The following KLHL22 variants were observed in gnomAD, a reference collection of about 807,000 sequenced individuals.
The protein encoded by KLHL22 is kelch like family member 22.
KLHL22 carries 18 observed loss-of-function variants against 60.7 expected under a neutral mutation model. The ratio of observed to expected loss-of-function variants is 0.30; its 90% CI spans 0.20 to 0.44. The LOEUF is 0.44. Among genes scored for constraint, KLHL22 ranks in the 20% least tolerant of loss-of-function variants. The probability of loss-of-function intolerance (pLI) is 1.00; values close to 1 mark genes in which losing one functional copy is unlikely to be tolerated. For missense variants in KLHL22, 596 were observed against 852.3 expected, an observed-to-expected ratio of 0.70 and a Z score of 3.74; for synonymous variants, 355 against 354.5, an observed-to-expected ratio of 1.00 and a Z score of -0.01.
rs745625786 is a variant in KLHL22 at position 20,457,852 on chromosome 22, G to A, written c.1261C>T (p.Pro421Ser). The change falls in exon 5 of 7, where the codon CCT becomes TCT. Residue 421 changes from proline to serine, a missense_variant. By Grantham distance (74) the Pro-to-Ser change is moderately conservative. Coordinates refer to ENST00000328879, the MANE Select transcript of KLHL22 (RefSeq NM_032775.4). ...ACGTATGCCCAGGAGTTGGTGGCAG[G>A]GTCGTAGCGCTCCACAGCATTCAGG... ...NDLNAVERYDPATNSWAYVAP... is the reference protein window; with the variant it reads ...NDLNAVERYDSATNSWAYVAP... The A allele has an allele frequency of 6.2e-7, 1 of 1,609,576 alleles. No homozygotes were observed. The highest frequency in any genetic ancestry group is 1.7e-5 in the Admixed American group (1 of 59,300).
At chr22:20,490,709 G>T (rs569817323) in intron 1 of KLHL22, among the ~76,000 whole-genome samples, 2 of 152,114 alleles carry the variant, frequency 1.3e-5, no homozygotes, top group African/African-American at 4.8e-5. Context: ...ATTCTCTTTC[G>T]GAGCACACAA....
intron 5 of KLHL22, among the ~76,000 whole-genome samples, chr22:20,447,655 G>A (rs1402182750): frequency 6.7e-6 from 1 of 149,540 alleles, no homozygotes; most frequent in African/African-American, 2.5e-5. Context: ...TGATTCTCCT[G>A]CCTCAGCTTC....
chr22:20,481,876 T>C (rs941669116), intron 2 of KLHL22: 19 of 152,376 alleles, frequency 1.2e-4, no homozygotes, highest in African/African-American at 4.3e-4. Context: ...GGTGCTAGGG[T>C]TATAGGTGTG....
rs193293991 is a variant in KLHL22, at chr22:20,476,564, C to A, written c.228-5049G>T. Among the ~76,000 whole-genome samples the A allele has an allele frequency of 3.1e-4, 47 of 151,228 alleles. No homozygotes were observed. The East Asian group carries it at 8.5e-3, about 28-fold the overall frequency. On this transcript the variant is annotated intron_variant, in intron 2 of 6. Transcript: ENST00000328879. The stretch of plus-strand genomic sequence containing the variant: ...GAGTAGCTGGGACTACAGGTGCCCG[C>A]CACGTCGCCCGGCTAATTTTTTGTA...
chr22:20,460,610 C>CAAAAAAAAAAAAAAAAAAAAAA lies in KLHL22; in HGVS notation c.1113-2632_1113-2611dup, dbSNP rs60765839. Among the ~76,000 whole-genome samples, 4 of 9,446 alleles carry CAAAAAAAAAAAAAAAAAAAAAA rather than the reference C, an allele frequency of 4.2e-4. 2 individuals are homozygous for CAAAAAAAAAAAAAAAAAAAAAA. The highest frequency in any genetic ancestry group is 1.1e-3 in the African/African-American group (2 of 1,820). 6.2% of individuals were successfully genotyped at this position (9,446 alleles called of 152,430 possible). On this transcript the variant is annotated intron_variant, in intron 4 of 6. Coordinates refer to ENST00000328879, the MANE Select transcript of KLHL22 (RefSeq NM_032775.4). ...GGCGACAGAGTGAAACTCCATCCCC[C>CAAAAAAAAAAAAAAAAAAAAAA]AAAAAAAAAAAAAAAAAAAAAAAAA...
chr22:20,483,072 C>A, intron 2 of KLHL22: 1 of 661,054 alleles, frequency 1.5e-6, no homozygotes, highest in Non-Finnish European at 2.8e-6. Flanking sequence ...ACCTCTGACT[C>A]CAGGTGCAGC....
chr22:20,487,907 T>G (rs1023806276), intron 2 of KLHL22, among the ~76,000 whole-genome samples: 1 of 152,044 alleles, frequency 6.6e-6, no homozygotes, highest in African/African-American at 2.4e-5. Context: ...AGGTCCTAAG[T>G]CCCCTGCAGG....
chr22:20,469,271 A>G (rs1210882183), intron 3 of KLHL22, among the ~76,000 whole-genome samples: 1 of 152,180 alleles, frequency 6.6e-6, no homozygotes. Context: ...CTGTCCTCAC[A>G]TGGACGCAGG....
intron 4 of KLHL22, among the ~76,000 whole-genome samples, chr22:20,460,334 C>A (rs536530923): frequency 3.9e-5 from 6 of 152,072 alleles, no homozygotes; most frequent in Non-Finnish European, 8.8e-5. Context: ...CAGGGCCGGG[C>A]GTGGTGGCTC....
chr22:20,468,661 G>A lies in KLHL22; in HGVS notation c.393+2689C>T, dbSNP rs1033657535. On this transcript the variant is annotated intron_variant, in intron 3 of 6. Coordinates refer to ENST00000328879, the MANE Select transcript of KLHL22 (RefSeq NM_032775.4). Reference sequence around the variant, plus strand: ...TGCTATAAAACAATATTGTGAAGAAGCCTGTTTTTTTTTGTTTGTTTGTTT... The same window carrying A: ...TGCTATAAAACAATATTGTGAAGAAACCTGTTTTTTTTTGTTTGTTTGTTT... 4.6e-5 allele frequency among the ~76,000 whole-genome samples: 7 copies of A among 152,132 alleles called. No individual in the cohort carries two copies. In the East Asian group the frequency reaches 1.3e-3, roughly 29 times the overall value.
chr22:20,450,482 G>A lies in KLHL22; in HGVS notation c.1306-3806C>T, dbSNP rs1215513521. The A allele has an allele frequency of 9.3e-6, 15 of 1,613,706 alleles. No homozygotes were observed. In the African/African-American group the frequency reaches 1.6e-4, roughly 17 times the overall value. On this transcript the variant is annotated intron_variant, in intron 5 of 6. Transcript: ENST00000328879. ...CAGTTGAAAGGTGTGAAACAAGCCTGCTGTGAGTTCTTAGAAAGTCAGTTG... is the reference window on the plus strand; with the variant it reads ...CAGTTGAAAGGTGTGAAACAAGCCTACTGTGAGTTCTTAGAAAGTCAGTTG...
intron 5 of KLHL22, among the ~76,000 whole-genome samples, chr22:20,455,248 C>T (rs2053044830): frequency 1.3e-5 from 2 of 152,192 alleles, no homozygotes; most frequent in South Asian, 2.1e-4. Flanking sequence ...AGTTTACCTC[C>T]ACGCTACACT....
chr22:20,450,343 C>T (rs1386359801), intron 5 of KLHL22: 2 of 1,302,178 alleles, frequency 1.5e-6, no homozygotes, highest in Non-Finnish European at 2.2e-6. Context: ...CCTATGTTGA[C>T]ATCCAAGGTT....
chr22:20,457,669 T>A, intron 5 of KLHL22, 139 bp downstream of exon 5: 1 of 664,470 alleles, frequency 1.5e-6, no homozygotes, highest in Non-Finnish European at 2.6e-6. Context: ...ATGCAGGGTC[T>A]CTGGAGAAGC....
chr22:20,443,099 A>G (rs2052790964), intron 6 of KLHL22, among the ~76,000 whole-genome samples: 1 of 152,248 alleles, frequency 6.6e-6, no homozygotes, highest in African/African-American at 2.4e-5. Context: ...AAGGAAAATC[A>G]CAAAACCCAA....
In KLHL22 at chr22:20,441,781, C is replaced by A. The variant is rs925159224; in HGVS notation, c.*292G>T. ...CAGGTCCTTTTGGAGAAGGACTGAT[C>A]TAGGCAGGGAGGAGAGAAGGCCAAC... On this transcript the variant is annotated 3_prime_UTR_variant, in exon 7 of 7. Coordinates refer to ENST00000328879, the MANE Select transcript of KLHL22 (RefSeq NM_032775.4). The A allele has an allele frequency of 3.1e-6, 1 of 326,474 alleles. No individual in the cohort carries two copies. The highest frequency in any genetic ancestry group is 1.5e-4 in the South Asian group (1 of 6,468). The allele number at this position is 326,474 out of a possible 1,614,324, so 20.2% of individuals were successfully genotyped here.
In KLHL22 at chr22:20,489,095, C is replaced by T; in HGVS notation, c.117G>A (p.Gly39=). ...SAQHSQALLR[G]LLALRDSGIL... is the part of the protein sequence containing the mutation. Reference sequence around the variant, plus strand: ...TTCCGCTGTCCCGGAGAGCCAGCAGCCCTCGGAGCAGAGCCTGGGAGTGCT... The same window carrying T: ...TTCCGCTGTCCCGGAGAGCCAGCAGTCCTCGGAGCAGAGCCTGGGAGTGCT... The change falls in exon 2 of 7, where the codon GGG becomes GGA. Residue 39 remains glycine (G), a synonymous_variant. Coordinates refer to ENST00000328879, the MANE Select transcript of KLHL22 (RefSeq NM_032775.4). The T allele has an allele frequency of 6.2e-7, 1 of 1,614,074 alleles. No homozygotes were observed. Among genetic ancestry groups the T allele is most frequent in the Non-Finnish European group, 8.5e-7 (1 of 1,180,028 alleles).
At chr22:20,443,492 G>T (rs1005404605) in intron 6 of KLHL22, among the ~76,000 whole-genome samples, 1 of 152,150 alleles carries the variant, frequency 6.6e-6, no homozygotes, top group African/African-American at 2.4e-5. Flanking sequence ...TGTAATCCCA[G>T]CACTTTGGGA....
chr22:20,469,088 C>G (rs1327562879), intron 3 of KLHL22, among the ~76,000 whole-genome samples: 1 of 152,040 alleles, frequency 6.6e-6, no homozygotes, highest in African/African-American at 2.4e-5. Context: ...GGCCTCCAAG[C>G]TGACTGGTGA....
Sources: allele counts gnomAD v4.1 joint callset (sites outside exome capture counted in the v4.1 genomes callset), GRCh38; gene constraint gnomAD v4.1.1; transcripts MANE v1.5; gene names NCBI Gene and HGNC (gene_info 2026-07-23, HGNC 2026-07-21).